PRKD1: variants seen among roughly 807,000 people sequenced by gnomAD.
PRKD1 encodes the protein serine/threonine-protein kinase D1.
PRKD1 carries 63 observed loss-of-function variants against 95.9 expected under a neutral mutation model. That is an observed-to-expected ratio of 0.66 (90% confidence interval 0.54 to 0.81). The LOEUF (loss-of-function observed/expected upper bound fraction) is 0.81. PRKD1 is among the 30% of genes least tolerant of loss of function. The pLI, the probability that PRKD1 is intolerant of heterozygous loss-of-function variation, is 0.00. For synonymous variants in PRKD1, 425 were observed against 423.1 expected (o/e 1.00, Z -0.05); for missense variants, 1,048 against 1,165.3 (o/e 0.90, Z 1.47).
At chr14:29,663,166 T>TATATAC (rs1842011580) in intron 4 of PRKD1, among the ~76,000 whole-genome samples, 1 of 146,412 alleles carries the variant, frequency 6.8e-6, no homozygotes, top group South Asian at 2.1e-4. Context: ...TATATATATA[T>TATATAC]ATATTCTAGA....
At position 29,638,485 on chromosome 14, in the gene PRKD1, C is replaced by T. The variant is rs781655397; in HGVS notation, c.985+4G>A. On this transcript the variant is annotated splice_donor_region_variant and intron_variant, in intron 6 of 17. Transcript: ENST00000331968. ...ACAGACATGACAGCTGATCTTTTAC[C>T]TACCTCCATTAATGGTCACTTCGCC... 6.2e-7 allele frequency: 1 copy of T among 1,613,728 alleles called. No individual in the cohort carries two copies.
At chr14:29,902,558 A>G (rs1469486813) in intron 1 of PRKD1, among the ~76,000 whole-genome samples, 4 of 152,212 alleles carry the variant, frequency 2.6e-5, no homozygotes, top group Admixed American at 2.6e-4. Context: ...GGGAATAAAC[A>G]TTTCTTTCCT....
chr14:29,668,787 A>C (rs984062522), intron 2 of PRKD1, among the ~76,000 whole-genome samples: 1 of 152,234 alleles, frequency 6.6e-6, no homozygotes. Flanking sequence ...TGGGAGAAGC[A>C]TAAACTCTTG....
intron 1 of PRKD1, among the ~76,000 whole-genome samples, chr14:29,763,022 G>T (rs545561981): frequency 6.6e-6 from 1 of 150,402 alleles, no homozygotes; most frequent in Non-Finnish European, 1.5e-5. Flanking sequence ...GGAATTACAG[G>T]CATGAGCCAC....
At chr14:29,621,899 C>G (rs1471523564) in intron 13 of PRKD1, among the ~76,000 whole-genome samples, 4 of 152,086 alleles carry the variant, frequency 2.6e-5, no homozygotes, top group Non-Finnish European at 5.9e-5. Context: ...TCATATGGTC[C>G]AGGAGCAGAA....
At chr14:29,831,437 T>C (rs1239892825) in intron 1 of PRKD1, among the ~76,000 whole-genome samples, 2 of 150,920 alleles carry the variant, frequency 1.3e-5, no homozygotes, top group Non-Finnish European at 2.9e-5. Flanking sequence ...CCAGTAGTTA[T>C]TAGAATGTTT....
intron 2 of PRKD1, among the ~76,000 whole-genome samples, chr14:29,668,183 T>TTGAG (rs1310526275): frequency 2.0e-5 from 3 of 152,194 alleles, no homozygotes; most frequent in African/African-American, 7.2e-5. Flanking sequence ...TCAGCATTAG[T>TTGAG]TGAGTGTATG....
intron 2 of PRKD1, among the ~76,000 whole-genome samples, chr14:29,672,346 A>AAAAT (rs57868258): frequency 0.012 from 1,752 of 151,596 alleles, 32 homozygotes; most frequent in African/African-American, 0.039. Flanking sequence ...GTCTCAAAAA[A>AAAAT]AAAATAAAAT....
In PRKD1 at chr14:29,686,428, T is replaced by C. The variant is rs144917209; in HGVS notation, c.404-20220A>G. Among the ~76,000 whole-genome samples the C allele has an allele frequency of 5.5e-4, 84 of 152,292 alleles. 1 individual carries two copies. Among genetic ancestry groups the C allele is most frequent in the African/African-American group, 1.9e-3 (80 of 41,566 alleles). On this transcript the variant is annotated intron_variant, in intron 2 of 17. Coordinates refer to ENST00000331968, the MANE Select transcript of PRKD1 (RefSeq NM_002742.3). The stretch of plus-strand genomic sequence containing the variant: ...TTGTTAGTCAACTGACAACTGTGCT[T>C]CTTTAGCTATCATCTCCACACTCAG...
chr14:29,758,457 G>A (rs560337673), intron 1 of PRKD1, among the ~76,000 whole-genome samples: 33 of 152,254 alleles, frequency 2.2e-4, no homozygotes, highest in South Asian at 6.2e-4. Context: ...TTGATATAAC[G>A]TAAAGGCCTG....
chr14:29,706,323 A>C (rs1319172907), intron 2 of PRKD1, among the ~76,000 whole-genome samples: 1 of 152,118 alleles, frequency 6.6e-6, no homozygotes, highest in Admixed American at 6.6e-5. Flanking sequence ...TTTGAATTTC[A>C]ATGGAAATTC....
At chr14:29,878,870 G>T (rs8021630) in intron 1 of PRKD1, among the ~76,000 whole-genome samples, 13,121 of 152,024 alleles carry the variant, frequency 0.086, 1,203 homozygotes, top group African/African-American at 0.23. Flanking sequence ...TTACTAAATT[G>T]TACACTTAAA....
intron 1 of PRKD1, among the ~76,000 whole-genome samples, chr14:29,790,025 T>TC (rs1171515079): frequency 6.9e-6 from 1 of 145,830 alleles, no homozygotes; most frequent in Non-Finnish European, 1.5e-5. Context: ...TTTTTTTTTT[T>TC]TTTTTGAGAT....
At chr14:29,844,775 A>C (rs1271362559) in intron 1 of PRKD1, among the ~76,000 whole-genome samples, 2 of 152,176 alleles carry the variant, frequency 1.3e-5, no homozygotes, top group Non-Finnish European at 2.9e-5. Flanking sequence ...GGTTGGCAGA[A>C]GCTTATACCA....
chr14:29,817,477 G>A (rs951195340), intron 1 of PRKD1, among the ~76,000 whole-genome samples: 4 of 152,148 alleles, frequency 2.6e-5, no homozygotes, highest in Non-Finnish European at 5.9e-5. Flanking sequence ...ATAAGATTAA[G>A]AGGAAGGAGG....
At chr14:29,811,336 C>A (rs965644509) in intron 1 of PRKD1, among the ~76,000 whole-genome samples, 2 of 152,164 alleles carry the variant, frequency 1.3e-5, no homozygotes, top group African/African-American at 4.8e-5. Flanking sequence ...CGGCTGAGTT[C>A]TCTCTCCTTC....
rs1026085387 is a variant in PRKD1 at position 29,885,700 on chromosome 14, G to A, written c.264+41549C>T. On this transcript the variant is annotated intron_variant, in intron 1 of 17. Transcript: ENST00000331968. The stretch of plus-strand genomic sequence containing the variant: ...CATGTTTTTCAGGGGGCATGGTGGC[G>A]CACACCTTTAATCCCCAGCATTTCG... 6.0e-5 allele frequency among the ~76,000 whole-genome samples: 9 copies of A among 149,642 alleles called. No homozygotes were observed. In the East Asian group the frequency reaches 1.0e-3, roughly 17 times the overall value.
rs1390112193 is a variant in PRKD1, at chr14:29,927,293, G to A, written c.220C>T (p.Leu74=). 2.6e-6 allele frequency: 4 copies of A among 1,544,250 alleles called. No individual in the cohort carries two copies. The highest frequency in any genetic ancestry group is 2.6e-6 in the Non-Finnish European group (3 of 1,146,944). Reference sequence around the variant, plus strand: ...CAAGCCATCTCGCGGACGTGCGCCAGGCTGTAGTCCCCGGACGAGTCCTGC... The same window carrying A: ...CAAGCCATCTCGCGGACGTGCGCCAAGCTGTAGTCCCCGGACGAGTCCTGC... The part of the protein sequence containing the change: ...LLQDSSGDYS[L]AHVREMACSI... Residue 74 remains leucine (L), a synonymous_variant, in exon 1 of 18, where the codon CTG becomes TTG. Transcript: ENST00000331968.
At chr14:29,643,821 TA>T (rs1438697875) in intron 4 of PRKD1, among the ~76,000 whole-genome samples, 23 of 152,256 alleles carry the variant, frequency 1.5e-4, no homozygotes, top group African/African-American at 4.8e-4. Flanking sequence ...CACTTGACAA[TA>T]AAAAATGGCT....
Sources: gnomAD v4.1 joint callset for allele counts (sites outside exome capture counted in the v4.1 genomes callset) on GRCh38, gnomAD v4.1.1 for gene constraint, MANE v1.5 for transcripts, NCBI Gene and HGNC (gene_info 2026-07-23, HGNC 2026-07-21) for gene names.